The following DPP10 variants were observed in gnomAD, a reference collection of about 807,000 sequenced individuals.
DPP10 encodes inactive dipeptidyl peptidase 10.
Under a neutral mutation model 120.9 loss-of-function variants are expected in DPP10, and 33 were observed. The ratio of observed to expected loss-of-function variants is 0.27; its 90% confidence interval spans 0.21 to 0.37. DPP10 has a LOEUF of 0.37. Among genes scored for constraint, DPP10 ranks in the 10% least tolerant of loss-of-function variants. The pLI is 1.00. For synonymous variants in DPP10, 337 were observed against 326.1 expected, an observed-to-expected ratio of 1.03 and a Z score of -0.36; for missense variants, 816 against 942.8, an observed-to-expected ratio of 0.87 and a Z score of 1.76.
chr2:114,511,142 T>C (rs1684113855), intron 1 of DPP10, among the ~76,000 whole-genome samples: 1 of 152,230 alleles, frequency 6.6e-6, no homozygotes, highest in South Asian at 2.1e-4. Flanking sequence ...TCAACATAGG[T>C]ATATAGGTAT....
At chr2:115,149,976 T>C (rs2051444812) in intron 1 of DPP10, among the ~76,000 whole-genome samples, 1 of 152,148 alleles carries the variant, frequency 6.6e-6, no homozygotes, top group Non-Finnish European at 1.5e-5. Flanking sequence ...AGAGAGTTAT[T>C]GGAGAAAATG....
At chr2:115,505,929 CAG>C (rs1330215466) in intron 4 of DPP10, among the ~76,000 whole-genome samples, 1 of 151,848 alleles carries the variant, frequency 6.6e-6, no homozygotes, top group Non-Finnish European at 1.5e-5. Context: ...CCATATATAT[CAG>C]AACATCACAT....
intron 1 of DPP10, among the ~76,000 whole-genome samples, chr2:115,140,455 G>A (rs1417768571): frequency 2.0e-5 from 3 of 152,210 alleles, no homozygotes; most frequent in East Asian, 3.9e-4. Flanking sequence ...CCTTTTGGCC[G>A]CTCTAGGAAA....
intron 1 of DPP10, among the ~76,000 whole-genome samples, chr2:114,550,175 C>T (rs757690901): frequency 1.1e-4 from 17 of 152,068 alleles, no homozygotes; most frequent in Non-Finnish European, 2.2e-4. Flanking sequence ...AATGCAGGTC[C>T]GGAGACTTTA....
At chr2:115,457,311 AG>A (rs2105031225) in intron 3 of DPP10, among the ~76,000 whole-genome samples, 1 of 152,264 alleles carries the variant, frequency 6.6e-6, no homozygotes. Context: ...AAAACTTTTT[AG>A]AAAAAGACTA....
At chr2:114,612,115 C>T (rs1000342660) in intron 1 of DPP10, among the ~76,000 whole-genome samples, 26 of 152,152 alleles carry the variant, frequency 1.7e-4, no homozygotes, top group African/African-American at 5.8e-4. Flanking sequence ...TCTACATCAA[C>T]GTCTCCCTCC....
chr2:114,755,596 T>C (rs1233540136), intron 1 of DPP10, among the ~76,000 whole-genome samples: 1 of 152,230 alleles, frequency 6.6e-6, no homozygotes, highest in Non-Finnish European at 1.5e-5. Context: ...ATATAGCAAT[T>C]GAGGAAAACT....
At chr2:115,010,406 A>G (rs1290296996) in intron 1 of DPP10, among the ~76,000 whole-genome samples, 1 of 152,216 alleles carries the variant, frequency 6.6e-6, no homozygotes, top group Non-Finnish European at 1.5e-5. Context: ...TAGTTTACAC[A>G]TAAATGATGT....
At chr2:115,306,941 G>T (rs1275218635) in intron 1 of DPP10, among the ~76,000 whole-genome samples, 1 of 151,976 alleles carries the variant, frequency 6.6e-6, no homozygotes, top group East Asian at 1.9e-4. Flanking sequence ...ATAACTTATT[G>T]ATTTATTGAT....
At chr2:114,659,894 C>G (rs1454755058) in intron 1 of DPP10, among the ~76,000 whole-genome samples, 2 of 152,128 alleles carry the variant, frequency 1.3e-5, no homozygotes, top group African/African-American at 4.8e-5. Context: ...CTACCAGCCA[C>G]GTAATATCAA....
At chr2:115,676,416 A>C (rs2090263043) in intron 5 of DPP10, among the ~76,000 whole-genome samples, 1 of 152,246 alleles carries the variant, frequency 6.6e-6, no homozygotes, top group Non-Finnish European at 1.5e-5. Flanking sequence ...AACTGGAAGA[A>C]GAGATTGTTC....
At chr2:114,864,871 A>G (rs1690100220) in intron 1 of DPP10, among the ~76,000 whole-genome samples, 1 of 152,246 alleles carries the variant, frequency 6.6e-6, no homozygotes, top group Non-Finnish European at 1.5e-5. Flanking sequence ...CAAGATCTTC[A>G]CAAAGCCATT....
chr2:114,686,460 T>C (rs1265093342), intron 1 of DPP10, among the ~76,000 whole-genome samples: 2 of 151,882 alleles, frequency 1.3e-5, no homozygotes, highest in African/African-American at 4.8e-5. Flanking sequence ...AATATATCTA[T>C]AGATGTAAAG....
intron 24 of DPP10, among the ~76,000 whole-genome samples, 157 bp downstream of exon 24, chr2:115,836,903 G>T (rs1346100244): frequency 5.3e-5 from 8 of 152,082 alleles, no homozygotes; most frequent in Non-Finnish European, 1.0e-4. Flanking sequence ...TGGGAAAAAA[G>T]AATTCAGAGA....
intron 1 of DPP10, among the ~76,000 whole-genome samples, chr2:114,850,052 C>CTT (rs35017569): frequency 1.4e-3 from 177 of 128,244 alleles, no homozygotes; most frequent in South Asian, 2.8e-3. Flanking sequence ...CCTTCTCTTT[C>CTT]TTTTTTTTTT....
intron 1 of DPP10, among the ~76,000 whole-genome samples, chr2:115,116,389 T>A (rs1411693802): frequency 6.6e-6 from 1 of 152,202 alleles, no homozygotes; most frequent in African/African-American, 2.4e-5. Context: ...TAACCTCTAT[T>A]TATCATCTAT....
chr2:114,850,210 A>C (rs1345003310), intron 1 of DPP10, among the ~76,000 whole-genome samples: 1 of 151,884 alleles, frequency 6.6e-6, no homozygotes, highest in Non-Finnish European at 1.5e-5. Context: ...TGTTTATTGA[A>C]GAGATGGGGT....
chr2:115,143,564 A>G (rs748844974), intron 1 of DPP10, among the ~76,000 whole-genome samples: 4 of 152,232 alleles, frequency 2.6e-5, no homozygotes, highest in Non-Finnish European at 5.9e-5. Context: ...GCTATATTCT[A>G]AAATATGCAG....
chr2:115,590,663 A>C (rs1461705906), intron 5 of DPP10, among the ~76,000 whole-genome samples: 2 of 152,200 alleles, frequency 1.3e-5, no homozygotes, highest in Non-Finnish European at 2.9e-5. Context: ...CATGATTTAC[A>C]GTCCTTTGGG....
Sources: allele counts gnomAD v4.1 joint callset (sites outside exome capture counted in the v4.1 genomes callset), GRCh38; gene constraint gnomAD v4.1.1; transcripts MANE v1.5; gene names NCBI Gene and HGNC (gene_info 2026-07-23, HGNC 2026-07-21).